The following CDH12 variants were observed in gnomAD, a reference collection of about 807,000 sequenced individuals.
The protein encoded by CDH12 is cadherin-12.
Under a neutral mutation model 74.1 loss-of-function variants are expected in CDH12, and 41 were observed. That is an observed-to-expected ratio of 0.55 (90% CI 0.43 to 0.72). The LOEUF (loss-of-function observed/expected upper bound fraction) is 0.72. CDH12 is among the 30% of genes least tolerant of loss of function. The probability of loss-of-function intolerance (pLI) is 0.00; values close to 1 mark genes in which losing one functional copy is unlikely to be tolerated. For synonymous variants in CDH12, 399 were observed against 355.0 expected, an observed-to-expected ratio of 1.12 and a Z score of -1.39; for missense variants, 945 against 977.2, an observed-to-expected ratio of 0.97 and a Z score of 0.44.
At chr5:22,437,551 TAATAAATA>T (rs61578838) in intron 2 of CDH12, among the ~76,000 whole-genome samples, 18 of 148,550 alleles carry the variant, frequency 1.2e-4, no homozygotes, top group Admixed American at 1.2e-3. Context: ...AATTTAAAAA[TAATAAATA>T]AATAAATAAA....
At chr5:22,776,091 T>C (rs1747085307) in intron 1 of CDH12, among the ~76,000 whole-genome samples, 1 of 152,162 alleles carries the variant, frequency 6.6e-6, no homozygotes, top group African/African-American at 2.4e-5. Flanking sequence ...CAGTCTCAGG[T>C]AGGTCTTTGT....
intron 5 of CDH12, among the ~76,000 whole-genome samples, chr5:22,061,906 C>T (rs763304475): frequency 5.3e-5 from 8 of 152,024 alleles, no homozygotes; most frequent in Non-Finnish European, 8.8e-5. Flanking sequence ...ATTATGAGAT[C>T]TAGAATTAGA....
At chr5:22,161,622 T>A (rs911388281) in intron 4 of CDH12, among the ~76,000 whole-genome samples, 7 of 151,452 alleles carry the variant, frequency 4.6e-5, no homozygotes, top group Admixed American at 1.3e-4. Context: ...AGCTCAGGAG[T>A]TCAAGATTGC....
intron 5 of CDH12, among the ~76,000 whole-genome samples, chr5:21,993,304 G>A (rs532075033): frequency 6.6e-6 from 1 of 152,250 alleles, no homozygotes; most frequent in African/African-American, 2.4e-5. Context: ...TCCCCTGAGT[G>A]TCCATATCCT....
At chr5:22,623,581 C>A (rs866103148) in intron 1 of CDH12, among the ~76,000 whole-genome samples, 13 of 152,108 alleles carry the variant, frequency 8.5e-5, no homozygotes, top group Middle Eastern at 3.4e-3. Context: ...CAAAGAGAAT[C>A]AAATACCTAG....
chr5:21,838,029 A>T (rs1448553744), intron 8 of CDH12, among the ~76,000 whole-genome samples: 1 of 152,152 alleles, frequency 6.6e-6, no homozygotes, highest in African/African-American at 2.4e-5. Context: ...TTGTAGAGTG[A>T]CAGATAAAGG....
At chr5:21,888,496 C>T (rs571273889) in intron 6 of CDH12, among the ~76,000 whole-genome samples, 18 of 152,004 alleles carry the variant, frequency 1.2e-4, no homozygotes, top group East Asian at 5.8e-4. Flanking sequence ...ATGTAAATGA[C>T]GAGTTAATGG....
chr5:22,672,682 A>C (rs536789451), intron 1 of CDH12, among the ~76,000 whole-genome samples: 10 of 152,178 alleles, frequency 6.6e-5, no homozygotes, highest in Non-Finnish European at 1.3e-4. Flanking sequence ...TTGTTAAAGC[A>C]TCAGAAAATT....
At chr5:22,422,954 C>A (rs1294674235) in intron 2 of CDH12, among the ~76,000 whole-genome samples, 1 of 152,048 alleles carries the variant, frequency 6.6e-6, no homozygotes, top group African/African-American at 2.4e-5. Context: ...ATGCATAATT[C>A]CCATTTCATG....
In CDH12 at chr5:21,755,729, T is replaced by G. The variant is rs755237161; in HGVS notation, c.1747A>C (p.Asn583His). ...CTACAGACTCGAATAGTCATTGTGT[T>G]TGTGCTGCTCTGGACAGGGTAGCTG... ...DSSYPVQSST[N>H]TMTIRVCRCD... The change falls in exon 14 of 15, where the codon AAC becomes CAC. Residue 583 changes from asparagine (N) to histidine (H), a missense_variant. This residue lies in a region of CDH12 where 791 missense variants were observed against 792.8 expected (regional missense o/e 1.00). Transcript: ENST00000382254. 5.0e-6 allele frequency: 8 copies of G among 1,614,042 alleles called. No homozygotes were observed. The highest frequency in any genetic ancestry group is 1.7e-5 in the Admixed American group (1 of 59,996).
intron 1 of CDH12, among the ~76,000 whole-genome samples, chr5:22,829,995 T>A (rs1431621550): frequency 2.6e-5 from 4 of 152,186 alleles, no homozygotes; most frequent in Non-Finnish European, 5.9e-5. Flanking sequence ...GTACCAGATA[T>A]TAGGTTATAT....
At chr5:21,783,310 A>G (rs1237469228) in intron 11 of CDH12, 48 bp downstream of exon 11, 1 of 1,551,488 alleles carries the variant, frequency 6.4e-7, no homozygotes, top group South Asian at 1.2e-5. Flanking sequence ...AGAGTCTTAA[A>G]TCCAAAGAAC....
At chr5:21,976,985 G>A (rs572846194) in intron 5 of CDH12, among the ~76,000 whole-genome samples, 17 of 152,084 alleles carry the variant, frequency 1.1e-4, no homozygotes, top group East Asian at 1.9e-4. Context: ...GCTCAAGAGC[G>A]TGCTTTAAGT....
At chr5:22,742,745 T>G (rs1307158002) in intron 1 of CDH12, among the ~76,000 whole-genome samples, 1 of 149,824 alleles carries the variant, frequency 6.7e-6, no homozygotes, top group African/African-American at 2.4e-5. Flanking sequence ...TTTTACTATG[T>G]TATATATTAA....
intron 8 of CDH12, among the ~76,000 whole-genome samples, chr5:21,835,440 G>A (rs1204473622): frequency 6.6e-6 from 1 of 151,304 alleles, no homozygotes; most frequent in Admixed American, 6.6e-5. Context: ...TTTTTAGCAG[G>A]CAATCTCAGA....
chr5:21,947,845 C>T (rs1051664165), intron 6 of CDH12, among the ~76,000 whole-genome samples: 91 of 152,202 alleles, frequency 6.0e-4, no homozygotes, highest in African/African-American at 2.0e-3. Context: ...GGCCTATGGC[C>T]CCGTTGCTCT....
intron 1 of CDH12, among the ~76,000 whole-genome samples, chr5:22,795,047 G>A (rs1434350054): frequency 6.6e-6 from 1 of 152,004 alleles, no homozygotes; most frequent in Non-Finnish European, 1.5e-5. Flanking sequence ...TTTTTTAAAT[G>A]CATGTCCATG....
intron 1 of CDH12, among the ~76,000 whole-genome samples, chr5:22,568,621 T>C (rs1314739453): frequency 6.6e-6 from 1 of 152,094 alleles, no homozygotes; most frequent in African/African-American, 2.4e-5. Context: ...AAAAAATGAA[T>C]AAATGGTAAG....
At chr5:21,857,628 A>G (rs556955577) in intron 6 of CDH12, among the ~76,000 whole-genome samples, 1 of 152,076 alleles carries the variant, frequency 6.6e-6, no homozygotes, top group East Asian at 1.9e-4. Context: ...GAAACTGATC[A>G]TTGAGTATGA....
Sources: gnomAD v4.1 joint callset for allele counts (sites outside exome capture counted in the v4.1 genomes callset) on GRCh38, gnomAD v4.1.1 for gene constraint, gnomAD v4.1.1 regional missense constraint, MANE v1.5 for transcripts, NCBI Gene and HGNC (gene_info 2026-07-23, HGNC 2026-07-21) for gene names.